Variants in MTUS2 observed in about 807,000 individuals in gnomAD.
MTUS2 encodes the protein microtubule-associated tumor suppressor candidate 2.
Under a neutral mutation model 114.1 loss-of-function variants are expected in MTUS2, and 40 were observed. That is an observed-to-expected ratio of 0.35 (90% confidence interval 0.27 to 0.46). The LOEUF is 0.46. MTUS2 is among the 20% of genes least tolerant of loss of function. The pLI, the probability that MTUS2 is intolerant of heterozygous loss-of-function variation, is 1.00. For synonymous variants in MTUS2, 688 were observed against 672.0 expected, an observed-to-expected ratio of 1.02 and a Z score of -0.37; for missense variants, 1,679 against 1,705.4, an observed-to-expected ratio of 0.98 and a Z score of 0.27.
chr13:29,457,518 AC>A (rs1448646615), intron 9 of MTUS2, among the ~76,000 whole-genome samples: 1 of 152,096 alleles, frequency 6.6e-6, no homozygotes, highest in Non-Finnish European at 1.5e-5. Context: ...GTAACTATAC[AC>A]CACAATGCAT....
At chr13:29,348,023 A>G (rs1378160134) in intron 7 of MTUS2, among the ~76,000 whole-genome samples, 1 of 139,978 alleles carries the variant, frequency 7.1e-6, no homozygotes, top group Non-Finnish European at 1.6e-5. Context: ...ACCTGGATGC[A>G]TTCACCAACC....
intron 2 of MTUS2, among the ~76,000 whole-genome samples, chr13:28,861,755 C>T (rs976437182): frequency 4.6e-5 from 7 of 152,146 alleles, no homozygotes; most frequent in Non-Finnish European, 7.4e-5. Context: ...AGATATTCCC[C>T]GTATCCAGCA....
intron 5 of MTUS2, among the ~76,000 whole-genome samples, chr13:29,177,433 G>A (rs1893819578): frequency 6.7e-6 from 1 of 148,462 alleles, no homozygotes; most frequent in South Asian, 2.1e-4. Context: ...GGCTAGATGG[G>A]ACATTCAAGT....
chr13:29,462,170 G>A (rs886955696), intron 9 of MTUS2, among the ~76,000 whole-genome samples: 3 of 152,226 alleles, frequency 2.0e-5, no homozygotes, highest in Admixed American at 6.5e-5. Context: ...ATGCTTTCAG[G>A]TGCTGCTAAT....
At chr13:29,152,824 T>TG (rs1357037315) in intron 5 of MTUS2, among the ~76,000 whole-genome samples, 1 of 152,140 alleles carries the variant, frequency 6.6e-6, no homozygotes, top group Non-Finnish European at 1.5e-5. Context: ...GAAACCGCAA[T>TG]GAGTCCAGCC....
intron 2 of MTUS2, among the ~76,000 whole-genome samples, chr13:28,932,338 A>T (rs575925103): frequency 6.6e-6 from 1 of 152,226 alleles, no homozygotes; most frequent in Non-Finnish European, 1.5e-5. Flanking sequence ...TAATGCAGGG[A>T]TAATTTGAAA....
At chr13:29,233,972 C>T (rs531846563) in intron 5 of MTUS2, among the ~76,000 whole-genome samples, 60 of 152,230 alleles carry the variant, frequency 3.9e-4, no homozygotes, top group African/African-American at 1.3e-3. Flanking sequence ...AGAGAAGCTA[C>T]GTAGGACTAA....
intron 8 of MTUS2, among the ~76,000 whole-genome samples, chr13:29,376,179 A>G (rs116605635): frequency 2.0e-5 from 3 of 152,272 alleles, no homozygotes; most frequent in African/African-American, 4.8e-5. Context: ...TTCTTTCCCT[A>G]TTGAGTTCTT....
intron 2 of MTUS2, among the ~76,000 whole-genome samples, chr13:28,885,784 A>G (rs114065688): frequency 0.018 from 2,668 of 152,352 alleles, 84 homozygotes; most frequent in African/African-American, 0.061. Flanking sequence ...ATCCCAGGCA[A>G]TGTTTTAGGG....
intron 2 of MTUS2, among the ~76,000 whole-genome samples, chr13:28,943,180 T>C (rs190843193): frequency 7.2e-5 from 11 of 152,330 alleles, no homozygotes; most frequent in Non-Finnish European, 1.5e-4. Flanking sequence ...AATGTAATAG[T>C]GCTTATTTCA....
intron 6 of MTUS2, among the ~76,000 whole-genome samples, chr13:29,300,326 A>G (rs892530072): frequency 1.3e-5 from 2 of 152,198 alleles, no homozygotes; most frequent in Non-Finnish European, 2.9e-5. Flanking sequence ...ATTTAAGAGC[A>G]TATACACATA....
At chr13:29,324,736 C>T (rs758713126) in intron 7 of MTUS2, 25 bp downstream of exon 7, 4 of 1,545,344 alleles carry the variant, frequency 2.6e-6, no homozygotes, top group Non-Finnish European at 3.5e-6. Flanking sequence ...TGATGTGTTC[C>T]TTGGGGGAAT....
At chr13:29,057,296 G>C (rs1392732212) in intron 4 of MTUS2, among the ~76,000 whole-genome samples, 4 of 152,030 alleles carry the variant, frequency 2.6e-5, no homozygotes, top group Admixed American at 2.0e-4. Context: ...GAGTTTGGTA[G>C]ATATATGTTA....
rs1393037179 is a variant in MTUS2 at position 28,898,027 on chromosome 13, G to A, written c.-243+58177G>A. ...TGACTAACCTGCACATTGTGCACAT[G>A]GACCCTAAAACTTAAAGTATAAAAA... On this transcript the variant is annotated intron_variant, in intron 2 of 15. Coordinates refer to ENST00000612955, the MANE Select transcript of MTUS2 (RefSeq NM_001033602.4). Among the ~76,000 whole-genome samples the A allele has an allele frequency of 3.3e-5, 5 of 152,048 alleles. No homozygotes were observed. The South Asian group carries it at 8.3e-4, about 25-fold the overall frequency.
At chr13:29,489,214 G>C in intron 11 of MTUS2, among the ~76,000 whole-genome samples, 1 of 152,166 alleles carries the variant, frequency 6.6e-6, no homozygotes, top group East Asian at 1.9e-4. Flanking sequence ...AGAGGTTGCA[G>C]TGAGTCAAGA....
At chr13:29,296,378 A>C (rs1157460085) in intron 6 of MTUS2, among the ~76,000 whole-genome samples, 3 of 152,002 alleles carry the variant, frequency 2.0e-5, no homozygotes, top group Admixed American at 6.6e-5. Flanking sequence ...CCAATTAAAA[A>C]AAATTTTTTT....
chr13:28,872,680 AGTGAGAACTCACTCACACAT>A (rs991940724), intron 2 of MTUS2, among the ~76,000 whole-genome samples: 1 of 152,166 alleles, frequency 6.6e-6, no homozygotes, highest in Admixed American at 6.5e-5. Context: ...GAATGAGTAC[AGTGAGAACTCACTCACACAT>A]TGCCTCCTCT....
intron 2 of MTUS2, among the ~76,000 whole-genome samples, chr13:28,948,936 C>G (rs1882673248): frequency 1.3e-5 from 2 of 152,170 alleles, no homozygotes; most frequent in African/African-American, 4.8e-5. Context: ...TAAGGTTGTT[C>G]TGGGAGGGCT....
At chr13:29,065,728 C>T (rs192663195) in intron 4 of MTUS2, among the ~76,000 whole-genome samples, 4 of 152,308 alleles carry the variant, frequency 2.6e-5, no homozygotes, top group Non-Finnish European at 4.4e-5. Flanking sequence ...CTAGTCAGTC[C>T]TGGTGCTCTG....
Sources: gnomAD v4.1 joint callset for allele counts (sites outside exome capture counted in the v4.1 genomes callset) on GRCh38, gnomAD v4.1.1 for gene constraint, MANE v1.5 for transcripts, NCBI Gene and HGNC (gene_info 2026-07-23, HGNC 2026-07-21) for gene names.